PTPRK: variants seen among roughly 807,000 people sequenced by gnomAD.
PTPRK encodes protein tyrosine phosphatase receptor type K, also known as receptor-type tyrosine-protein phosphatase kappa.
A neutral mutation model predicts 178.0 loss-of-function variants in PTPRK; 75 were observed. That is an observed-to-expected ratio of 0.42 (90% CI 0.35 to 0.51). PTPRK has a LOEUF of 0.51. Ranked by LOEUF, PTPRK falls within the 20% of genes least tolerant of loss-of-function variation. The probability of loss-of-function intolerance (pLI) is 0.02; values close to 1 mark genes in which losing one functional copy is unlikely to be tolerated. For missense variants in PTPRK, 1,441 were observed against 1,797.8 expected (o/e 0.80, Z 3.59); for synonymous variants, 637 against 620.6 (o/e 1.03, Z -0.39).
intron 7 of PTPRK, among the ~76,000 whole-genome samples, chr6:128,132,060 C>T (rs1311333032): frequency 6.6e-6 from 1 of 151,690 alleles, no homozygotes; most frequent in Non-Finnish European, 1.5e-5. Context: ...CACATTTGTA[C>T]CTAAAGCTAT....
At chr6:128,388,790 A>C (rs183564950) in intron 2 of PTPRK, among the ~76,000 whole-genome samples, 74 of 152,298 alleles carry the variant, frequency 4.9e-4, no homozygotes, top group Non-Finnish European at 8.4e-4. Context: ...ACATATTTTA[A>C]ATGCTTGGGA....
chr6:128,509,269 C>T (rs1048362840), intron 1 of PTPRK, among the ~76,000 whole-genome samples: 6 of 152,120 alleles, frequency 3.9e-5, no homozygotes, highest in African/African-American at 1.4e-4. Context: ...AGTGAACTAC[C>T]TGGTAGCATT....
chr6:128,397,156 A>G (rs935115278), intron 2 of PTPRK, among the ~76,000 whole-genome samples: 2 of 152,192 alleles, frequency 1.3e-5, no homozygotes, highest in African/African-American at 4.8e-5. Context: ...CTCTCTCCTT[A>G]CAATGTAATA....
At chr6:127,973,514 A>C (rs1477398184) in intron 28 of PTPRK, 150 bp downstream of exon 28, 7 of 789,208 alleles carry the variant, frequency 8.9e-6, no homozygotes, top group African/African-American at 1.7e-5. Flanking sequence ...TAAACTTAGT[A>C]GTTAATTATA....
intron 6 of PTPRK, among the ~76,000 whole-genome samples, chr6:128,218,583 C>CTCT (rs1267410361): frequency 1.3e-5 from 2 of 152,066 alleles, no homozygotes; most frequent in Non-Finnish European, 2.9e-5. Context: ...AAGTAGTATC[C>CTCT]GCAGAACTGT....
intron 2 of PTPRK, among the ~76,000 whole-genome samples, chr6:128,343,094 AACATTTCTTTT>A (rs1404501923): frequency 6.6e-6 from 1 of 152,252 alleles, no homozygotes; most frequent in East Asian, 1.9e-4. Flanking sequence ...AAAATTCACA[AACATTTCTTTT>A]AGAATCAAGA....
intron 2 of PTPRK, among the ~76,000 whole-genome samples, chr6:128,334,508 C>G (rs1192052439): frequency 6.6e-6 from 1 of 152,118 alleles, no homozygotes; most frequent in Admixed American, 6.6e-5. Flanking sequence ...TATAACTATT[C>G]AATTTTATAA....
chr6:128,101,880 C>T (rs1297186903), intron 7 of PTPRK, among the ~76,000 whole-genome samples: 1 of 152,176 alleles, frequency 6.6e-6, no homozygotes, highest in Non-Finnish European at 1.5e-5. Flanking sequence ...CCTATTGAAA[C>T]ACTTCAATGT....
chr6:128,297,500 A>T (rs960658591), intron 3 of PTPRK, among the ~76,000 whole-genome samples: 3 of 152,218 alleles, frequency 2.0e-5, no homozygotes, highest in Non-Finnish European at 4.4e-5. Context: ...GCAAATGTAA[A>T]AGATCAGAAA....
At chr6:128,450,676 C>T (rs1304802406) in intron 1 of PTPRK, among the ~76,000 whole-genome samples, 2 of 152,196 alleles carry the variant, frequency 1.3e-5, no homozygotes, top group Non-Finnish European at 2.9e-5. Flanking sequence ...GCAGGGGCAA[C>T]AAATTTTACT....
At chr6:128,163,892 G>T (rs1045524700) in intron 7 of PTPRK, among the ~76,000 whole-genome samples, 1 of 151,380 alleles carries the variant, frequency 6.6e-6, no homozygotes, top group Admixed American at 6.6e-5. Context: ...TGGACTATTT[G>T]CAATTAAAGG....
intron 5 of PTPRK, among the ~76,000 whole-genome samples, chr6:128,219,570 C>A (rs371870843): frequency 1.3e-5 from 2 of 152,320 alleles, no homozygotes; most frequent in African/African-American, 4.8e-5. Flanking sequence ...AGACCAGTAC[C>A]AGTTTGCAGC....
rs560545980 is a variant in PTPRK at position 128,285,893 on chromosome 6, C to T, written c.495+36146G>A. ...TGAGGTCATTCTTTATGACCTCAAT[C>T]CTTAATCCTGGGCACCAGAAAGTTC... On this transcript the variant is annotated intron_variant, in intron 3 of 29. Transcript: ENST00000368226. 2.6e-5 allele frequency among the ~76,000 whole-genome samples: 4 copies of T among 152,124 alleles called. No homozygotes were observed. The South Asian group carries it at 8.3e-4, about 32-fold the overall frequency.
At chr6:128,076,180 T>C (rs1305847171) in intron 11 of PTPRK, among the ~76,000 whole-genome samples, 1 of 151,968 alleles carries the variant, frequency 6.6e-6, no homozygotes, top group African/African-American at 2.4e-5. Context: ...AGATTTGAGA[T>C]ACCAGACCAT....
rs936478360 is a variant in PTPRK at position 127,991,031 on chromosome 6, CAG to C, written c.2980-148_2980-147del. 1.5e-5 allele frequency: 9 copies of C among 615,268 alleles called. No homozygotes were observed. In the African/African-American group the frequency reaches 1.7e-4, roughly 12 times the overall value. 38.1% of individuals were successfully genotyped at this position (615,268 alleles called of 1,614,324 possible). On this transcript the variant is annotated intron_variant, in intron 20 of 29. Transcript: ENST00000368226. ...AGAAAAAAATCTATTATACAATAAACAGAGTTTATATAGTCTCACAAAAAATA... is the reference window on the plus strand; with the variant it reads ...AGAAAAAAATCTATTATACAATAAACAGTTTATATAGTCTCACAAAAAATA...
At chr6:128,483,475 C>T (rs62425731) in intron 1 of PTPRK, among the ~76,000 whole-genome samples, 4 of 152,140 alleles carry the variant, frequency 2.6e-5, no homozygotes, top group African/African-American at 9.6e-5. Flanking sequence ...TTTTCATCTT[C>T]TTCTCCCTCT....
At chr6:128,121,405 T>C (rs1792438674) in intron 7 of PTPRK, among the ~76,000 whole-genome samples, 1 of 151,982 alleles carries the variant, frequency 6.6e-6, no homozygotes, top group South Asian at 2.1e-4. Flanking sequence ...AAAAGTAAAA[T>C]GACAACACTT....
chr6:128,314,858 G>A (rs1423660735), intron 3 of PTPRK, among the ~76,000 whole-genome samples: 4 of 149,894 alleles, frequency 2.7e-5, no homozygotes, highest in Non-Finnish European at 5.9e-5. Context: ...AAAAAAAGGA[G>A]ACCTTCTACT....
At chr6:128,356,790 C>A (rs1262487424) in intron 2 of PTPRK, among the ~76,000 whole-genome samples, 3 of 152,158 alleles carry the variant, frequency 2.0e-5, no homozygotes, top group East Asian at 3.8e-4. Flanking sequence ...TTAGTATGAA[C>A]AATAGGGGTC....
Sources: gnomAD v4.1 joint callset for allele counts (sites outside exome capture counted in the v4.1 genomes callset) on GRCh38, gnomAD v4.1.1 for gene constraint, MANE v1.5 for transcripts, NCBI Gene and HGNC (gene_info 2026-07-23, HGNC 2026-07-21) for gene names.